GRB10: variants seen among roughly 807,000 people sequenced by gnomAD.
GRB10 encodes growth factor receptor-bound protein 10.
A neutral mutation model predicts 80.9 loss-of-function variants in GRB10; 20 were observed. That is an observed-to-expected ratio of 0.25 (90% CI 0.17 to 0.36). The LOEUF (loss-of-function observed/expected upper bound fraction) is 0.36, where lower values mean the gene tolerates loss of function less well. GRB10 is among the 10% of genes least tolerant of loss of function. GRB10 has a pLI of 1.00. For synonymous variants in GRB10, 291 were observed against 291.5 expected, an observed-to-expected ratio of 1.00 and a Z score of 0.02; for missense variants, 548 against 747.7, an observed-to-expected ratio of 0.73 and a Z score of 3.12.
chr7:50,732,398 A>C, intron 3 of GRB10, 30 bp from the exon 4 acceptor site: 1 of 1,323,812 alleles, frequency 7.6e-7, no homozygotes, highest in Non-Finnish European at 1.1e-6. Context: ...TGAGAAGCCA[A>C]GCCAGAAAAA....
chr7:50,664,048 T>A (rs2059550014), intron 7 of GRB10, among the ~76,000 whole-genome samples: 1 of 152,248 alleles, frequency 6.6e-6, no homozygotes, highest in African/African-American at 2.4e-5. Context: ...ATGCTCCTGC[T>A]GGCCATGCTC....
chr7:50,674,863 C>T (rs113603262), intron 5 of GRB10, among the ~76,000 whole-genome samples: 4 of 152,308 alleles, frequency 2.6e-5, no homozygotes, highest in African/African-American at 9.6e-5. Context: ...ATTCCAGAGA[C>T]AATTCAATCA....
At chr7:50,743,470 C>T (rs1365922678) in intron 3 of GRB10, among the ~76,000 whole-genome samples, 2 of 152,248 alleles carry the variant, frequency 1.3e-5, no homozygotes, top group African/African-American at 2.4e-5. Flanking sequence ...CACCACTTTA[C>T]GGTGGCCACA....
intron 4 of GRB10, among the ~76,000 whole-genome samples, chr7:50,723,749 A>C (rs2068128790): frequency 6.6e-6 from 1 of 152,160 alleles, no homozygotes; most frequent in African/African-American, 2.4e-5. Context: ...TGGGATTCAA[A>C]CCTGGGGCCT....
At chr7:50,771,273 T>C (rs1472768772) in intron 2 of GRB10, among the ~76,000 whole-genome samples, 2 of 152,142 alleles carry the variant, frequency 1.3e-5, no homozygotes, top group African/African-American at 4.8e-5. Context: ...TCCATTCCGG[T>C]CCACTCCACC....
At chr7:50,763,786 C>T (rs1342387574) in intron 2 of GRB10, among the ~76,000 whole-genome samples, 1 of 152,226 alleles carries the variant, frequency 6.6e-6, no homozygotes, top group Non-Finnish European at 1.5e-5. Context: ...CCTTCCATCT[C>T]TGCTGCCAAC....
chr7:50,726,253 C>T (rs1048576626), intron 4 of GRB10, among the ~76,000 whole-genome samples: 2 of 152,022 alleles, frequency 1.3e-5, no homozygotes, highest in Non-Finnish European at 2.9e-5. Flanking sequence ...CAAAAATTAG[C>T]CAGGTGTGAT....
At chr7:50,641,702 G>A (rs1020528938) in intron 7 of GRB10, among the ~76,000 whole-genome samples, 2 of 152,118 alleles carry the variant, frequency 1.3e-5, no homozygotes, top group South Asian at 4.1e-4. Flanking sequence ...ACACAAACAC[G>A]TGGGCAGCTG....
At position 50,665,780 on chromosome 7, in the gene GRB10, G is replaced by A. The variant is rs182071894; in HGVS notation, c.504+3942C>T. 3.2e-4 allele frequency among the ~76,000 whole-genome samples: 49 copies of A among 152,348 alleles called. 1 individual carries two copies. The highest frequency in any genetic ancestry group is 1.9e-3 in the South Asian group (9 of 4,826). On this transcript the variant is annotated intron_variant, in intron 7 of 18. Coordinates refer to ENST00000401949, the MANE Select transcript of GRB10 (RefSeq NM_001350814.2). ...TTGAATCCAGGGCAGGTGAAGGACAGCCAGGCAGGAAGGAATGAGTGGGCT... is the reference window on the plus strand; with the variant it reads ...TTGAATCCAGGGCAGGTGAAGGACAACCAGGCAGGAAGGAATGAGTGGGCT...
intron 5 of GRB10, among the ~76,000 whole-genome samples, chr7:50,698,954 A>C (rs2063799188): frequency 6.6e-6 from 1 of 152,200 alleles, no homozygotes; most frequent in African/African-American, 2.4e-5. Context: ...CCACTTACTC[A>C]GGTTGTTTTC....
rs185992721 is a variant in GRB10, at chr7:50,617,009, C to T, written c.847-662G>A. ...TCTTTTCCCCCAGGTGGGAAAGGCA[C>T]GTCGGACAGAGCCCTGGTGCACCTG... On this transcript the variant is annotated intron_variant, in intron 10 of 18. Coordinates refer to ENST00000401949, the MANE Select transcript of GRB10 (RefSeq NM_001350814.2). Among the ~76,000 whole-genome samples the T allele has an allele frequency of 8.7e-4, 133 of 152,318 alleles. 1 individual carries two copies. Among genetic ancestry groups the T allele is most frequent in the African/African-American group, 3.1e-3 (128 of 41,578 alleles).
chr7:50,740,651 C>A (rs991787727), intron 3 of GRB10, among the ~76,000 whole-genome samples: 2 of 151,036 alleles, frequency 1.3e-5, no homozygotes, highest in Non-Finnish European at 2.9e-5. Flanking sequence ...TATTTACATT[C>A]TAAGCCATAA....
chr7:50,627,883 G>A (rs1585931005), intron 7 of GRB10, among the ~76,000 whole-genome samples: 2 of 152,216 alleles, frequency 1.3e-5, no homozygotes, highest in Admixed American at 6.5e-5. Context: ...TGGAGCCTGC[G>A]TGTGCCCTGG....
At chr7:50,666,384 A>G (rs1383200079) in intron 7 of GRB10, among the ~76,000 whole-genome samples, 1 of 152,122 alleles carries the variant, frequency 6.6e-6, no homozygotes, top group East Asian at 1.9e-4. Context: ...GTTGAATAGG[A>G]GGCTGAGGGC....
chr7:50,685,449 G>C (rs2062005745), intron 5 of GRB10, among the ~76,000 whole-genome samples: 1 of 152,204 alleles, frequency 6.6e-6, no homozygotes, highest in Non-Finnish European at 1.5e-5. Context: ...CCGTAGGAAA[G>C]AGTGGGCACC....
intron 3 of GRB10, among the ~76,000 whole-genome samples, chr7:50,736,621 C>T (rs1450097036): frequency 2.0e-5 from 3 of 151,982 alleles, no homozygotes; most frequent in Admixed American, 1.3e-4. Context: ...GGTGAAACAC[C>T]GCCTCTAAAA....
intron 4 of GRB10, chr7:50,705,300 C>T (rs1319611544): frequency 3.0e-6 from 3 of 985,526 alleles, no homozygotes; most frequent in Admixed American, 6.1e-5. Context: ...GGCAAAGTTG[C>T]GTTCACACCT....
intron 3 of GRB10, among the ~76,000 whole-genome samples, chr7:50,740,633 G>C (rs1269663376): frequency 6.6e-6 from 1 of 151,746 alleles, no homozygotes; most frequent in Admixed American, 6.6e-5. Context: ...ATGTAGAATG[G>C]AAAACAATAT....
intron 4 of GRB10, among the ~76,000 whole-genome samples, chr7:50,719,311 G>A (rs2153683616): frequency 6.6e-6 from 1 of 152,252 alleles, no homozygotes; most frequent in Admixed American, 6.5e-5. Flanking sequence ...AGGAAAACAA[G>A]GCAAAAGAAT....
Sources: gnomAD v4.1 joint callset for allele counts (sites outside exome capture counted in the v4.1 genomes callset) on GRCh38, gnomAD v4.1.1 for gene constraint, MANE v1.5 for transcripts, NCBI Gene and HGNC (gene_info 2026-07-23, HGNC 2026-07-21) for gene names.